ZNF341: variants seen among roughly 807,000 people sequenced by gnomAD.
ZNF341 encodes the protein zinc finger protein 341.
A neutral mutation model predicts 87.7 loss-of-function variants in ZNF341; 52 were observed. That is an observed-to-expected ratio of 0.59 (90% CI 0.47 to 0.75). ZNF341 has a LOEUF of 0.75. Among genes scored for constraint, ZNF341 ranks in the 30% least tolerant of loss-of-function variants. ZNF341 has a pLI of 0.00. For synonymous variants in ZNF341, 459 were observed against 472.7 expected, an observed-to-expected ratio of 0.97 and a Z score of 0.38; for missense variants, 977 against 1,145.9, an observed-to-expected ratio of 0.85 and a Z score of 2.13.
Position 33,732,089 on chromosome 20 carries a change from G to A in ZNF341, c.31+37G>A. 3 of 1,214,952 alleles carry A rather than the reference G, an allele frequency of 2.5e-6. No individual in the cohort carries two copies. Among genetic ancestry groups the A allele is most frequent in the Non-Finnish European group, 3.1e-6 (3 of 974,100 alleles). 75.3% of individuals were successfully genotyped at this position (1,214,952 alleles called of 1,614,324 possible). On this transcript the variant is annotated intron_variant, in intron 1 of 14. Transcript: ENST00000375200. The surrounding 1 kb of genome is among the most constrained non-coding windows in gnomAD (Gnocchi z 4.5). ...CGGGGCCGGCGGAGGCGGCTGTTCC[G>A]CGCTGCGCCCCCTCCCGCCGCGCCC... is the stretch of plus-strand genomic sequence containing the variant.
At chr20:33,733,389 C>T (rs979325699) in intron 1 of ZNF341, among the ~76,000 whole-genome samples, 8 of 146,914 alleles carry the variant, frequency 5.4e-5, no homozygotes, top group East Asian at 2.0e-4. Context: ...CCACCACGCC[C>T]GGCTAATTTT....
chr20:33,762,562 G>A (rs1222569763), intron 8 of ZNF341, among the ~76,000 whole-genome samples: 3 of 150,996 alleles, frequency 2.0e-5, no homozygotes, highest in African/African-American at 7.3e-5. Flanking sequence ...TACATGTGCA[G>A]AACGTGCAGG....
chr20:33,769,380 G>T (rs1021534029), intron 9 of ZNF341, among the ~76,000 whole-genome samples: 4 of 150,120 alleles, frequency 2.7e-5, no homozygotes, highest in Non-Finnish European at 5.9e-5. Flanking sequence ...GGTGGTGGGG[G>T]GGGGGGCAGT....
chr20:33,772,051 C>G lies in ZNF341; in HGVS notation c.1622+1759C>G, dbSNP rs184323879. Among the ~76,000 whole-genome samples, 171 of 116,164 alleles carry G rather than the reference C, an allele frequency of 1.5e-3. 1 individual carries two copies. Among genetic ancestry groups the G allele is most frequent in the Middle Eastern group, 5.6e-3 (1 of 178 alleles). 76.2% of individuals were successfully genotyped at this position (116,164 alleles called of 152,430 possible). Reference sequence around the variant, plus strand: ...AAAAAAAAAAGATCTTCACGTCATTCTCTTTGGACCTATTGACCTCTGATC... The same window carrying G: ...AAAAAAAAAAGATCTTCACGTCATTGTCTTTGGACCTATTGACCTCTGATC... On this transcript the variant is annotated intron_variant, in intron 10 of 14. Coordinates refer to ENST00000375200, the MANE Select transcript of ZNF341 (RefSeq NM_001282933.2).
chr20:33,738,963 TTTTTA>T (rs1323932474), intron 1 of ZNF341, among the ~76,000 whole-genome samples: 12 of 152,100 alleles, frequency 7.9e-5, no homozygotes, highest in African/African-American at 2.9e-4. Context: ...TGGTTTCAAT[TTTTTA>T]TTTTATTTTA....
intron 6 of ZNF341, among the ~76,000 whole-genome samples, chr20:33,757,726 C>T (rs374370809): frequency 6.6e-6 from 1 of 152,182 alleles, no homozygotes; most frequent in African/African-American, 2.4e-5. Context: ...GGGCTTCTCC[C>T]AGCTTCTAGA....
rs555966050 is a variant in ZNF341, at chr20:33,788,974, C to G, written c.1964C>G (p.Ser655Trp). The change falls in exon 13 of 15, where the codon TCG (serine) becomes TGG (tryptophan). Residue 655 changes from serine (S) to tryptophan (W), a missense_variant and splice_region_variant. Ser to Trp is a radical substitution (Grantham distance 177, BLOSUM62 -3). Transcript: ENST00000375200. ...EPFKKYKCPF[S>W]THTGCSKEFN... ...TTCAAGAAATACAAATGCCCTTTCT[C>G]GTGAGTAGAGACTGCCATGCAGGGG... 6.2e-7 allele frequency: 1 copy of G among 1,609,900 alleles called. No individual in the cohort carries two copies. Among genetic ancestry groups the G allele is most frequent in the Non-Finnish European group, 8.5e-7 (1 of 1,177,362 alleles).
chr20:33,767,183 C>A, intron 9 of ZNF341, 142 bp downstream of exon 9: 2 of 1,051,262 alleles, frequency 1.9e-6, no homozygotes, highest in Non-Finnish European at 2.7e-6. Context: ...GGTTAGATTC[C>A]GAGCAGGGGA....
intron 4 of ZNF341, chr20:33,752,104 G>A (rs992984320): frequency 5.1e-6 from 2 of 395,970 alleles, no homozygotes; most frequent in Non-Finnish European, 9.6e-6. Flanking sequence ...AGTGCTGCAA[G>A]CAAGCCCCCC....
chr20:33,741,059 G>T (rs765479292), intron 2 of ZNF341, 47 bp downstream of exon 2: 5 of 1,532,852 alleles, frequency 3.3e-6, no homozygotes, highest in Non-Finnish European at 4.5e-6. Context: ...ATGGCTCCCC[G>T]CGAAGAGTAG....
intron 8 of ZNF341, among the ~76,000 whole-genome samples, chr20:33,765,412 T>C (rs1377730482): frequency 6.6e-6 from 1 of 151,236 alleles, no homozygotes; most frequent in African/African-American, 2.4e-5. Context: ...AAGATCTTGC[T>C]CTGTCACCCA....
rs570582973 is a variant in ZNF341, at chr20:33,777,460, T to A, written c.1623-3831T>A. Among the ~76,000 whole-genome samples, 350 of 149,980 alleles carry A rather than the reference T, an allele frequency of 2.3e-3. 3 individuals are homozygous for A. The highest frequency in any genetic ancestry group is 8.0e-3 in the African/African-American group (328 of 40,770). On this transcript the variant is annotated intron_variant, in intron 10 of 14. Coordinates refer to ENST00000375200, the MANE Select transcript of ZNF341 (RefSeq NM_001282933.2). ...GACCAGCCTGGCCAACATGGCGAAA[T>A]GCCGTATCTACTAAATTATAAAAAT...
intron 11 of ZNF341, among the ~76,000 whole-genome samples, chr20:33,782,039 C>T (rs2019758096): frequency 6.6e-6 from 1 of 152,060 alleles, no homozygotes; most frequent in Admixed American, 6.6e-5. Flanking sequence ...AACTCTTGGC[C>T]TCAAGTGATC....
At chr20:33,756,748 C>T (rs1451777407) in intron 5 of ZNF341, among the ~76,000 whole-genome samples, 1 of 152,176 alleles carries the variant, frequency 6.6e-6, no homozygotes, top group Non-Finnish European at 1.5e-5. Flanking sequence ...GTATTGCATG[C>T]TCACTCTATG....
Position 33,791,546 on chromosome 20 carries a change from G to A in ZNF341, c.*29G>A. The A allele has an allele frequency of 6.6e-7, 1 of 1,513,654 alleles. No individual in the cohort carries two copies. Among genetic ancestry groups the A allele is most frequent in the Non-Finnish European group, 8.8e-7 (1 of 1,134,862 alleles). 93.8% of individuals were successfully genotyped at this position (1,513,654 alleles called of 1,614,324 possible). A position where few individuals can be genotyped will look rare whatever the true frequency, so the allele number is the denominator to read the frequency against. On this transcript the variant is annotated 3_prime_UTR_variant, in exon 15 of 15. Coordinates refer to ENST00000375200, the MANE Select transcript of ZNF341 (RefSeq NM_001282933.2). ...ACCTGAGGTGTCTGTTTCCTGGGCA[G>A]GCCTGATGCTCCTGTTTGGGTCCAG...
At chr20:33,784,620 T>C (rs904679462) in intron 12 of ZNF341, among the ~76,000 whole-genome samples, 2 of 149,816 alleles carry the variant, frequency 1.3e-5, no homozygotes, top group Non-Finnish European at 3.0e-5. Context: ...TTATTCTTTT[T>C]TTTTTTTTCT....
chr20:33,761,167 A>T (rs1220030063), intron 7 of ZNF341, among the ~76,000 whole-genome samples: 1 of 152,112 alleles, frequency 6.6e-6, no homozygotes, highest in Admixed American at 6.6e-5. Context: ...TTTAAGTTTT[A>T]AAAAAGTGAG....
chr20:33,733,778 A>G (rs750224026), intron 1 of ZNF341, among the ~76,000 whole-genome samples: 3 of 152,134 alleles, frequency 2.0e-5, no homozygotes, highest in Non-Finnish European at 4.4e-5. Flanking sequence ...TGAGACAGAC[A>G]CTCCCTGTAG....
At chr20:33,783,149 C>T (rs1327045664) in intron 11 of ZNF341, among the ~76,000 whole-genome samples, 1 of 102,386 alleles carries the variant, frequency 9.8e-6, no homozygotes, top group African/African-American at 4.4e-5. Flanking sequence ...AGCGAAACTG[C>T]ATCTCAAATA....
Sources: gnomAD v4.1 joint callset for allele counts (sites outside exome capture counted in the v4.1 genomes callset) on GRCh38, gnomAD v4.1.1 for gene constraint, Gnocchi (gnomAD v3.1) non-coding constraint, MANE v1.5 for transcripts, NCBI Gene and HGNC (gene_info 2026-07-23, HGNC 2026-07-21) for gene names.